The following PCDHGA10 variants were observed in gnomAD, a reference collection of about 807,000 sequenced individuals.
PCDHGA10 encodes the protein protocadherin gamma subfamily A, 10.
In PCDHGA10, 42 loss-of-function variants were observed where a neutral mutation model predicts 59.5. The ratio of observed to expected loss-of-function variants is 0.71; its 90% CI spans 0.55 to 0.91. PCDHGA10 has a LOEUF of 0.91. PCDHGA10 is among the 40% of genes least tolerant of loss of function. The pLI, the probability that PCDHGA10 is intolerant of heterozygous loss-of-function variation, is 0.00. For synonymous variants in PCDHGA10, 511 were observed against 517.2 expected (o/e 0.99, Z 0.16); for missense variants, 1,111 against 1,198.2 (o/e 0.93, Z 1.07).
At position 141,476,764 on chromosome 5, in the gene PCDHGA10, G is replaced by A. The variant is rs570982273; in HGVS notation, c.2437-18043G>A. 1.2e-6 allele frequency: 2 copies of A among 1,613,794 alleles called. No homozygotes were observed. Reference sequence around the variant, plus strand: ...CTAGTCTCCAGTTAGTGCTGACGGCGTTGGACGGAGGGACCCCAGCTCTCT... The same window carrying A: ...CTAGTCTCCAGTTAGTGCTGACGGCATTGGACGGAGGGACCCCAGCTCTCT... On this transcript the variant is annotated intron_variant, in intron 1 of 3. Coordinates refer to ENST00000398610, the MANE Select transcript of PCDHGA10 (RefSeq NM_018913.3). The surrounding 1 kb of genome is among the most constrained non-coding windows in gnomAD (Gnocchi z 7.6).
chr5:141,490,906 G>A lies in PCDHGA10; in HGVS notation c.2437-3901G>A, dbSNP rs2099705910. 1 of 1,613,798 alleles carries A rather than the reference G, an allele frequency of 6.2e-7. No individual in the cohort carries two copies. Among genetic ancestry groups the A allele is most frequent in the Non-Finnish European group, 8.5e-7 (1 of 1,179,808 alleles). ...CACATCTCTGCATGTGTTTGTCCTA[G>A]ACGAGAATGATAATGCCCCAGCTGT... On this transcript the variant is annotated intron_variant, in intron 1 of 3. Coordinates refer to ENST00000398610, the MANE Select transcript of PCDHGA10 (RefSeq NM_018913.3). The surrounding 1 kb of genome is among the most constrained non-coding windows in gnomAD (Gnocchi z 5.4).
rs1414722237 is a variant in PCDHGA10 at position 141,432,748 on chromosome 5, C to T, written c.2436+17137C>T. On this transcript the variant is annotated intron_variant, in intron 1 of 3. Coordinates refer to ENST00000398610, the MANE Select transcript of PCDHGA10 (RefSeq NM_018913.3). The surrounding 1 kb of genome is among the most constrained non-coding windows in gnomAD (Gnocchi z 6.0). ...CCGCCACTGTCACGCTCACCGTGGC[C>T]GTGGCCGACAGCATCCCCCAAGTCC... 1 of 1,614,120 alleles carries T rather than the reference C, an allele frequency of 6.2e-7. No homozygotes were observed. The highest frequency in any genetic ancestry group is 8.5e-7 in the Non-Finnish European group (1 of 1,179,980).
chr5:141,455,377 CAGAA>C (rs2098820699), intron 1 of PCDHGA10, among the ~76,000 whole-genome samples: 1 of 151,970 alleles, frequency 6.6e-6, no homozygotes, highest in Admixed American at 6.6e-5. Flanking sequence ...AGGGAGAAGA[CAGAA>C]GGAAGGAGCT....
chr5:141,478,073 G>A (rs756198123), intron 1 of PCDHGA10: 1 of 1,614,098 alleles, frequency 6.2e-7, no homozygotes, highest in Admixed American at 1.7e-5. Context: ...AGACAATGGG[G>A]AGCCTTCGCT....
At position 141,422,706 on chromosome 5, in the gene PCDHGA10, G is replaced by A. The variant is rs758922274; in HGVS notation, c.2436+7095G>A. On this transcript the variant is annotated intron_variant, in intron 1 of 3. Transcript: ENST00000398610. ...ATGCCCTGGTCACTTACTCTCTGAC[G>A]GATGACACTGTCCAGGGGGTGCCTC... The A allele has an allele frequency of 8.1e-6, 13 of 1,602,906 alleles. No homozygotes were observed. In the South Asian group the frequency reaches 1.5e-4, roughly 18 times the overall value.
intron 1 of PCDHGA10, chr5:141,478,018 C>G: frequency 6.2e-7 from 1 of 1,614,124 alleles, no homozygotes; most frequent in Non-Finnish European, 8.5e-7. Flanking sequence ...CCCGTCCAGT[C>G]CAAGACACAG....
intron 3 of PCDHGA10, among the ~76,000 whole-genome samples, chr5:141,510,054 G>A (rs1166696269): frequency 1.3e-5 from 2 of 152,180 alleles, no homozygotes; most frequent in Non-Finnish European, 2.9e-5. Context: ...AAAAGTGATT[G>A]TGCATGTGAA....
At chr5:141,484,889 TC>T (rs1312115219) in intron 1 of PCDHGA10, 2 of 362,958 alleles carry the variant, frequency 5.5e-6, no homozygotes, top group Admixed American at 8.9e-5. Flanking sequence ...GTGGGCTTTT[TC>T]CCCTCCAATG....
At chr5:141,416,711 C>G (rs962144454) in intron 1 of PCDHGA10, 1 of 152,152 alleles carries the variant, frequency 6.6e-6, no homozygotes, top group South Asian at 2.1e-4. Context: ...ATTGGAGGTA[C>G]TGATGAGTTC....
chr5:141,414,376 T>G lies in PCDHGA10; in HGVS notation c.1201T>G (p.Ser401Ala). 1 of 1,613,824 alleles carries G rather than the reference T, an allele frequency of 6.2e-7. No homozygotes were observed. The highest frequency in any genetic ancestry group is 8.5e-7 in the Non-Finnish European group (1 of 1,179,862). Residue 401 changes from serine (S) to alanine (A), a missense_variant, in exon 1 of 4, where the codon TCC becomes GCC. Transcript: ENST00000398610. ...LAYLPFKLEK[S>A]IDSYYRLVIH... ...GTATCTACCATTTAAATTAGAAAAG[T>G]CCATTGACAGTTATTACAGATTGGT... is the stretch of plus-strand genomic sequence containing the variant.
chr5:141,494,185 GAC>G (rs2099752607), intron 1 of PCDHGA10, among the ~76,000 whole-genome samples: 1 of 152,154 alleles, frequency 6.6e-6, no homozygotes, highest in Non-Finnish European at 1.5e-5. Context: ...AGTGTCCCGG[GAC>G]TTGGATGCCC....
intron 2 of PCDHGA10, among the ~76,000 whole-genome samples, chr5:141,495,440 A>G (rs2099761377): frequency 6.6e-6 from 1 of 151,898 alleles, no homozygotes; most frequent in African/African-American, 2.4e-5. Context: ...CTCTGCCCCT[A>G]CTTGTCCTGC....
At position 141,477,217 on chromosome 5, in the gene PCDHGA10, G is replaced by T. The variant is rs745497348; in HGVS notation, c.2437-17590G>T. On this transcript the variant is annotated intron_variant, in intron 1 of 3. Transcript: ENST00000398610. This position sits in a 1 kb window ranked among gnomAD's most constrained non-coding sequence, Gnocchi z 4.9. ...GCCCAGTACCCGAGGATGCCCCTCTGGGGACTGTCATCGCTTTGCTCAGTG... is the reference window on the plus strand; with the variant it reads ...GCCCAGTACCCGAGGATGCCCCTCTTGGGACTGTCATCGCTTTGCTCAGTG... The T allele has an allele frequency of 8.1e-6, 13 of 1,614,178 alleles. No homozygotes were observed. The African/African-American group carries it at 1.7e-4, about 22-fold the overall frequency.
At chr5:141,423,758 G>GGGC (rs1554116874) in intron 1 of PCDHGA10, 82 of 366,752 alleles carry the variant, frequency 2.2e-4, no homozygotes, top group Middle Eastern at 4.2e-4. Context: ...TTTGGGGGGG[G>GGGC]GGTGGGGCGG....
At chr5:141,424,526 T>C (rs1020206614) in intron 1 of PCDHGA10, 2 of 152,216 alleles carry the variant, frequency 1.3e-5, no homozygotes, top group Non-Finnish European at 2.9e-5. Context: ...AGTAAATCCA[T>C]ATATAGAAAT....
intron 1 of PCDHGA10, chr5:141,424,602 T>G (rs2154550827): frequency 6.6e-6 from 1 of 152,334 alleles, no homozygotes; most frequent in African/African-American, 2.4e-5. Flanking sequence ...GTCTACAGAT[T>G]TATTCAAATA....
In PCDHGA10 at chr5:141,431,643, A is replaced by G. The variant is rs528599572; in HGVS notation, c.2436+16032A>G. Reference sequence around the variant, plus strand: ...AAGGCGGCCCAAGTTTTCAAACTAGATTGTAATTCAGGGACAATATCAACA... The same window carrying G: ...AAGGCGGCCCAAGTTTTCAAACTAGGTTGTAATTCAGGGACAATATCAACA... On this transcript the variant is annotated intron_variant, in intron 1 of 3. Coordinates refer to ENST00000398610, the MANE Select transcript of PCDHGA10 (RefSeq NM_018913.3). The surrounding 1 kb of genome is among the most constrained non-coding windows in gnomAD (Gnocchi z 4.8). 5.0e-5 allele frequency: 81 copies of G among 1,614,240 alleles called. No individual in the cohort carries two copies. In the South Asian group the frequency reaches 7.4e-4, roughly 15 times the overall value.
intron 1 of PCDHGA10, chr5:141,430,576 T>G (rs767759432): frequency 3.3e-5 from 15 of 459,492 alleles, no homozygotes; most frequent in Non-Finnish European, 5.5e-5. Flanking sequence ...AAAGCGGAGA[T>G]CCTGCTCGCC....
intron 1 of PCDHGA10, among the ~76,000 whole-genome samples, chr5:141,475,511 A>T (rs1240718716): frequency 6.6e-6 from 1 of 152,240 alleles, no homozygotes; most frequent in African/African-American, 2.4e-5. Context: ...TAATGTCTCC[A>T]CGGAAATGCT....
Sources: allele counts gnomAD v4.1 joint callset (sites outside exome capture counted in the v4.1 genomes callset), GRCh38; gene constraint gnomAD v4.1.1; non-coding constraint Gnocchi (gnomAD v3.1); transcripts MANE v1.5; gene names NCBI Gene and HGNC (gene_info 2026-07-23, HGNC 2026-07-21).